Variants in TRPM5 observed in about 807,000 individuals in gnomAD.
TRPM5 encodes the protein MLSN1 and TRP-related.
Under a neutral mutation model 124.9 loss-of-function variants are expected in TRPM5, and 121 were observed. The observed-to-expected ratio is 0.97, with a 90% CI of 0.84 to 1.13. The LOEUF is 1.13. Among genes scored for constraint, TRPM5 ranks in the 50% most tolerant of loss-of-function variants. The pLI, the probability that TRPM5 is intolerant of heterozygous loss-of-function variation, is 0.00. For synonymous variants in TRPM5, 781 were observed against 700.5 expected, an observed-to-expected ratio of 1.11 and a Z score of -1.81; for missense variants, 1,643 against 1,589.1, an observed-to-expected ratio of 1.03 and a Z score of -0.58.
the TRPM5 span, among the ~76,000 whole-genome samples, chr11:2,433,391 G>C: frequency 6.6e-6 from 1 of 152,062 alleles, no homozygotes; most frequent in Non-Finnish European, 1.5e-5. Flanking sequence ...AGGGCTGCCC[G>C]GCCAACTCCA....
chr11:2,414,029 G>A, intron 12 of TRPM5, 32 bp downstream of exon 17: 1 of 226,692 alleles, frequency 4.4e-6, no homozygotes, highest in Non-Finnish European at 8.6e-6. Context: ...CCCACCCCCT[G>A]GCAGCTCTCC....
At chr11:2,430,752 G>A in the TRPM5 span, among the ~76,000 whole-genome samples, 2,773 of 131,260 alleles carry the variant, frequency 0.021, 171 homozygotes, top group African/African-American at 0.072. Flanking sequence ...GGTGTTGGTG[G>A]TGGTGGTTTT....
chr11:2,407,039 C>A, intron 20 of TRPM5, 80 bp downstream of exon 25: 2 of 1,442,950 alleles, frequency 1.4e-6, no homozygotes, highest in African/African-American at 1.4e-5. Flanking sequence ...TCTCTCCAGA[C>A]CTGCCTCCAG....
intron 12 of TRPM5, 48 bp downstream of exon 17, chr11:2,414,013 G>GCCCCCCCCCCC: frequency 1.6e-6 from 1 of 625,670 alleles, no homozygotes; most frequent in Non-Finnish European, 2.4e-6. Context: ...CAGCTCGCCC[G>GCCCCCCCCCCC]CCCACCCCAC....
the TRPM5 span, among the ~76,000 whole-genome samples, chr11:2,441,924 A>G: frequency 6.6e-6 from 1 of 152,110 alleles, no homozygotes; most frequent in African/African-American, 2.4e-5. This position sits in a 1 kb window ranked among gnomAD's most constrained non-coding sequence, Gnocchi z 7.2. Context: ...CCTGACCTCA[A>G]GCGATCAGCC....
chr11:2,436,623 C>G, the TRPM5 span, among the ~76,000 whole-genome samples: 2 of 152,198 alleles, frequency 1.3e-5, no homozygotes, highest in African/African-American at 4.8e-5. Context: ...CCCCAGCACT[C>G]CCACTGGGGG....
In TRPM5 at chr11:2,405,507, C is replaced by T. The variant is rs1416182724; in HGVS notation, c.3391+20G>A. ...GGTGCCCATGCCCACCCTCATCCCA[C>T]GCTCCCCAAACAGGCTTACTCCGGG... On this transcript the variant is annotated intron_variant, in intron 23 of 23. Coordinates refer to ENST00000155858, the Ensembl canonical transcript of TRPM5. 10 of 1,552,318 alleles carry T rather than the reference C, an allele frequency of 6.4e-6. No individual in the cohort carries two copies. The highest frequency in any genetic ancestry group is 3.3e-4 in the Middle Eastern group (2 of 6,012).
exon 21 of TRPM5, chr11:2,406,690 C>T (rs200235283): frequency 3.7e-6 from 6 of 1,613,150 alleles, no homozygotes; most frequent in East Asian, 4.5e-5. Flanking sequence ...GCACCTCCCC[C>T]TCGCTGTCCC....
exon 21 of TRPM5, chr11:2,406,737 T>G: frequency 6.2e-7 from 1 of 1,613,574 alleles, no homozygotes; most frequent in Non-Finnish European, 8.5e-7. Flanking sequence ...AAGTTCTCCT[T>G]CTGGACTGTC....
At chr11:2,417,918 C>G in intron 6 of TRPM5, 89 bp from the exon 12 acceptor site, 1 of 1,289,136 alleles carries the variant, frequency 7.8e-7, no homozygotes, top group African/African-American at 1.5e-5. Flanking sequence ...TAGGCACAGG[C>G]AGCGTCCCCA....
chr11:2,413,520 G>A, exon 13 of TRPM5: 1 of 1,612,496 alleles, frequency 6.2e-7, no homozygotes, highest in Non-Finnish European at 8.5e-7. Flanking sequence ...GGCAGAGGAA[G>A]GCTCCTAGCA....
At chr11:2,406,725 G>A in exon 21 of TRPM5, 1 of 1,613,596 alleles carries the variant, frequency 6.2e-7, no homozygotes, top group Non-Finnish European at 8.5e-7. Context: ...ATCTTGCTCA[G>A]GAAGTTCTCC....
the TRPM5 span, among the ~76,000 whole-genome samples, chr11:2,443,796 G>A: frequency 2.6e-5 from 4 of 152,004 alleles, no homozygotes; most frequent in African/African-American, 9.7e-5. This position sits in a 1 kb window ranked among gnomAD's most constrained non-coding sequence, Gnocchi z 5.0. Context: ...CCTGAAAAAA[G>A]CCGGTCTCTT....
Position 2,421,052 on chromosome 11 carries a change from G to C in TRPM5, c.445C>G (p.Arg149Gly), listed in dbSNP as rs111504104. ...TGCACCTGGGCCTCCTCCAGAATGCGGCGGTGCAGGACGCGGCCCAGCGAG... is the reference window on the plus strand; with the variant it reads ...TGCACCTGGGCCTCCTCCAGAATGCCGCGGTGCAGGACGCGGCCCAGCGAG... The change falls in exon 3 of 24, where the codon CGC becomes GGC. Residue 149 changes from arginine (R) to glycine (G), a missense_variant. Arg to Gly is a moderately radical substitution (Grantham distance 125). Coordinates refer to ENST00000155858, the Ensembl canonical transcript of TRPM5. 95 of 1,545,926 alleles carry C rather than the reference G, an allele frequency of 6.1e-5. 1 individual carries two copies. The African/African-American group carries it at 1.0e-3, about 16-fold the overall frequency.
the TRPM5 span, among the ~76,000 whole-genome samples, chr11:2,430,569 GCGGTGATGGTGA>G: frequency 2.0e-5 from 3 of 152,038 alleles, no homozygotes; most frequent in Non-Finnish European, 4.4e-5. Flanking sequence ...GAGGGTGGTG[GCGGTGATGGTGA>G]CGGTGTTGAT....
the TRPM5 span, among the ~76,000 whole-genome samples, chr11:2,440,355 C>G: frequency 6.6e-6 from 1 of 152,164 alleles, no homozygotes; most frequent in South Asian, 2.1e-4. This position sits in a 1 kb window ranked among gnomAD's most constrained non-coding sequence, Gnocchi z 5.2. Context: ...TGGGGTGATG[C>G]CTTACAGATG....
chr11:2,444,243 C>A, the TRPM5 span, among the ~76,000 whole-genome samples: 1 of 152,182 alleles, frequency 6.6e-6, no homozygotes, highest in Non-Finnish European at 1.5e-5. Context: ...GCAGCTCGCG[C>A]GCCTGGGCAC....
rs751726889 is a variant in TRPM5 at position 2,415,078 on chromosome 11, C to T, written c.1480-31G>A. ...GGACACGGGCGTCGGCCTCCTGCTG[C>T]GGCCCCAGCCTCGCCCTCCATCCCC... is the stretch of plus-strand genomic sequence containing the variant. On this transcript the variant is annotated intron_variant, in intron 9 of 23. Transcript: ENST00000155858. 9.9e-5 allele frequency: 158 copies of T among 1,588,602 alleles called. No homozygotes were observed. The East Asian group carries it at 1.1e-3, about 11-fold the overall frequency.
At chr11:2,424,302 G>T (rs912774538), upstream of TRPM5, among the ~76,000 whole-genome samples, 5 of 152,374 alleles carry the variant, frequency 3.3e-5, no homozygotes, top group South Asian at 1.0e-3. Flanking sequence ...AGAGATGAGA[G>T]GGAGTGTGTC....
Sources: gnomAD v4.1 joint callset for allele counts (sites outside exome capture counted in the v4.1 genomes callset) on GRCh38, gnomAD v4.1.1 for gene constraint, Gnocchi (gnomAD v3.1) non-coding constraint, MANE v1.5 for transcripts, NCBI Gene and HGNC (gene_info 2026-07-23, HGNC 2026-07-21) for gene names.